Variants in FGD5 observed in about 807,000 individuals in gnomAD.
FGD5 encodes the protein FYVE, RhoGEF and PH domain containing 5, also known as FYVE, RhoGEF and PH domain-containing protein 5.
FGD5 carries 28 observed loss-of-function variants against 133.4 expected under a neutral mutation model. That is an observed-to-expected ratio of 0.21 (90% CI 0.16 to 0.29). The LOEUF is 0.29. FGD5 is among the 10% of genes least tolerant of loss of function. The pLI is 1.00. For missense variants in FGD5, 1,858 were observed against 1,895.2 expected (o/e 0.98, Z 0.36); for synonymous variants, 810 against 776.5 (o/e 1.04, Z -0.72).
chr3:14,820,243 G>A lies in FGD5; in HGVS notation c.1172G>A (p.Gly391Glu), dbSNP rs764968788. 1.2e-6 allele frequency: 2 copies of A among 1,605,216 alleles called. No homozygotes were observed. Among genetic ancestry groups the A allele is most frequent in the Admixed American group, 3.4e-5 (2 of 59,444 alleles). ...GLRAEENPMV[G>E]ALCGQCGSLQ... ...CGTGCGGAGGAGAACCCCATGGTGG[G>A]GGCTTTGTGTGGCCAGTGTGGCTCC... The change falls in exon 1 of 20, where the codon GGG becomes GAG. Residue 391 changes from glycine to glutamate, a missense_variant. By Grantham distance (98) the Gly-to-Glu change is moderately conservative. This residue lies in a region of FGD5 where 1,824 missense variants were observed against 1,848.9 expected (regional missense o/e 0.99). Transcript: ENST00000285046.
intron 1 of FGD5, among the ~76,000 whole-genome samples, chr3:14,852,831 A>G (rs1257604390): frequency 6.6e-6 from 1 of 152,154 alleles, no homozygotes; most frequent in Non-Finnish European, 1.5e-5. Flanking sequence ...GAGAGGCGTG[A>G]AAGGGAGCCT....
Position 14,821,098 on chromosome 3 carries a change from C to T in FGD5, c.2027C>T (p.Ser676Phe). Residue 676 changes from serine to phenylalanine, a missense_variant, in exon 1 of 20, where the codon TCT becomes TTT. Physicochemically the swap from Ser to Phe is radical, Grantham distance 155 (BLOSUM62 -2). Transcript: ENST00000285046. ...AAATTGCATGTGGATGTGAACGTGT[C>T]TTCCTCTAGGTCCTCTTCAGAGTCC... is the stretch of plus-strand genomic sequence containing the variant. ...ENKLHVDVNVSSSRSSSESSY... is the reference protein window; with the variant it reads ...ENKLHVDVNVFSSRSSSESSY... The T allele has an allele frequency of 6.2e-7, 1 of 1,613,998 alleles. No homozygotes were observed. The highest frequency in any genetic ancestry group is 8.5e-7 in the Non-Finnish European group (1 of 1,179,886).
At position 14,897,546 on chromosome 3, in the gene FGD5, T is replaced by C. The variant is rs2038160180; in HGVS notation, c.2786T>C (p.Met929Thr). 2 of 1,605,960 alleles carry C rather than the reference T, an allele frequency of 1.2e-6. No homozygotes were observed. The highest frequency in any genetic ancestry group is 1.3e-5 in the African/African-American group (1 of 74,826). ...HGAVMRALDDMDHEGRDTLAR... is the reference protein window; with the variant it reads ...HGAVMRALDDTDHEGRDTLAR... The stretch of plus-strand genomic sequence containing the variant: ...GCTGTCATGAGGGCCTTGGATGACA[T>C]GGACCATGAAGGCAGAGACACATTG... The change falls in exon 5 of 20, where the codon ATG becomes ACG. Residue 929 changes from methionine to threonine, a missense_variant. Met to Thr is a moderately conservative substitution (Grantham distance 81, BLOSUM62 -1). Coordinates refer to ENST00000285046, the MANE Select transcript of FGD5 (RefSeq NM_152536.4).
At chr3:14,856,001 T>C (rs1331270833) in intron 1 of FGD5, among the ~76,000 whole-genome samples, 1 of 152,196 alleles carries the variant, frequency 6.6e-6, no homozygotes, top group Non-Finnish European at 1.5e-5. Context: ...ACTAGTTTTA[T>C]AGTTTTGGGT....
chr3:14,867,804 G>T (rs935487552), intron 2 of FGD5, among the ~76,000 whole-genome samples: 2 of 152,214 alleles, frequency 1.3e-5, no homozygotes, highest in African/African-American at 4.8e-5. Flanking sequence ...TCATCTCCAT[G>T]CCCTAGTCAC....
chr3:14,817,413 C>T (rs1035060397), upstream of FGD5, among the ~76,000 whole-genome samples: 1 of 152,140 alleles, frequency 6.6e-6, no homozygotes, highest in African/African-American at 2.4e-5. Flanking sequence ...CCAGGCTGGT[C>T]TCGAACTCCT....
Position 14,864,251 on chromosome 3 carries a change from C to T in FGD5, c.2649C>T (p.Val883=), listed in dbSNP as rs776392584. Residue 883 remains valine, a synonymous_variant, in exon 2 of 20, where the codon GTC becomes GTT. Transcript: ENST00000285046. ...ACAGTGCTTCAAGAGACCCCAGTGT[C>T]ACCCACAAGGTAGGGCACCCCACAG... The part of the protein sequence containing the change: ...EEDSASRDPS[V]THKVEGQSRA... The T allele has an allele frequency of 6.2e-7, 1 of 1,613,976 alleles. No individual in the cohort carries two copies. The highest frequency in any genetic ancestry group is 8.5e-7 in the Non-Finnish European group (1 of 1,179,874).
chr3:14,869,023 G>A (rs2037554423), intron 2 of FGD5, among the ~76,000 whole-genome samples: 2 of 152,266 alleles, frequency 1.3e-5, no homozygotes, highest in Admixed American at 6.5e-5. Flanking sequence ...AGCCAGGCAC[G>A]GTGGCTCACA....
upstream of FGD5, among the ~76,000 whole-genome samples, chr3:14,818,506 G>A (rs1380750935): frequency 1.3e-5 from 2 of 152,308 alleles, no homozygotes; most frequent in African/African-American, 2.4e-5. Flanking sequence ...AGTGCTGTGC[G>A]TGTAGCTAGT....
chr3:14,866,970 T>A (rs1631634), intron 2 of FGD5, among the ~76,000 whole-genome samples: 2,976 of 152,276 alleles, frequency 0.02, 44 homozygotes, highest in South Asian at 0.046. Context: ...AGCAGGTCAG[T>A]TCACTCACCA....
intron 1 of FGD5, among the ~76,000 whole-genome samples, chr3:14,861,155 A>G (rs898332423): frequency 3.3e-5 from 5 of 152,216 alleles, no homozygotes; most frequent in Non-Finnish European, 5.9e-5. Context: ...GCCACGCTGA[A>G]GACGGGGGAG....
chr3:14,919,634 C>T (rs969102285), intron 13 of FGD5, among the ~76,000 whole-genome samples: 1 of 152,042 alleles, frequency 6.6e-6, no homozygotes, highest in Non-Finnish European at 1.5e-5. Context: ...AAAACAAAAA[C>T]AAAAACAAAA....
intron 1 of FGD5, among the ~76,000 whole-genome samples, chr3:14,858,936 G>A (rs2037342702): frequency 1.3e-5 from 2 of 152,216 alleles, no homozygotes; most frequent in South Asian, 4.1e-4. Flanking sequence ...CATGTTGACA[G>A]CCTTGGTTTT....
chr3:14,897,187 C>G (rs1238265829), intron 4 of FGD5: 2 of 289,626 alleles, frequency 6.9e-6, no homozygotes, highest in African/African-American at 4.5e-5. Context: ...AGGAATTACC[C>G]AATCTCTCCC....
At chr3:14,812,370 C>T (rs1278177887) in intron 1 of FGD5, among the ~76,000 whole-genome samples, 1 of 152,218 alleles carries the variant, frequency 6.6e-6, no homozygotes, top group African/African-American at 2.4e-5. Context: ...CTTTTTCCTA[C>T]ACTCCTAATA....
intron 9 of FGD5, among the ~76,000 whole-genome samples, chr3:14,903,360 A>G (rs1035890204): frequency 1.3e-5 from 2 of 151,954 alleles, no homozygotes; most frequent in Non-Finnish European, 2.9e-5. Flanking sequence ...CATCTTTATT[A>G]TTATTATTAT....
intron 3 of FGD5, 34 bp downstream of exon 3, chr3:14,880,664 C>G (rs774209923): frequency 5.1e-5 from 82 of 1,613,878 alleles, no homozygotes; most frequent in Non-Finnish European, 6.4e-5. Flanking sequence ...TGGCCTTGAG[C>G]TTATAAACAA....
chr3:14,844,246 AT>A (rs1432585386), intron 1 of FGD5, among the ~76,000 whole-genome samples: 1 of 56,830 alleles, frequency 1.8e-5, no homozygotes, highest in South Asian at 5.9e-4. Flanking sequence ...ATATATATAT[AT>A]ATATATATAT....
At chr3:14,827,448 A>G (rs1214593102) in intron 1 of FGD5, among the ~76,000 whole-genome samples, 1 of 151,778 alleles carries the variant, frequency 6.6e-6, no homozygotes, top group Non-Finnish European at 1.5e-5. Context: ...TGGGTGGCTA[A>G]TTTTTTGTAT....
Sources: gnomAD v4.1 joint callset for allele counts (sites outside exome capture counted in the v4.1 genomes callset) on GRCh38, gnomAD v4.1.1 for gene constraint, gnomAD v4.1.1 regional missense constraint, MANE v1.5 for transcripts, NCBI Gene and HGNC (gene_info 2026-07-23, HGNC 2026-07-21) for gene names.